Variants in LRFN5 observed in about 807,000 individuals in gnomAD.
LRFN5 encodes leucine rich repeat and fibronectin type III domain containing 5.
A neutral mutation model predicts 45.6 loss-of-function variants in LRFN5; 24 were observed. That is an observed-to-expected ratio of 0.53 (90% CI 0.38 to 0.74). The LOEUF (loss-of-function observed/expected upper bound fraction) is 0.74. Ranked by LOEUF, LRFN5 falls within the 30% of genes least tolerant of loss-of-function variation. LRFN5 has a pLI of 0.00. For synonymous variants in LRFN5, 340 were observed against 313.8 expected (o/e 1.08, Z -0.88); for missense variants, 776 against 861.5 (o/e 0.90, Z 1.24).
chr14:41,632,533 G>T (rs1888579033), intron 1 of LRFN5, among the ~76,000 whole-genome samples: 1 of 152,108 alleles, frequency 6.6e-6, no homozygotes, highest in Non-Finnish European at 1.5e-5. Flanking sequence ...AACCCAGGAG[G>T]TGGAGGTTGC....
At chr14:41,681,724 A>C (rs1205322847) in intron 1 of LRFN5, among the ~76,000 whole-genome samples, 1 of 152,042 alleles carries the variant, frequency 6.6e-6, no homozygotes, top group African/African-American at 2.4e-5. Flanking sequence ...AGTAAAAGTT[A>C]GTACACAGGA....
Position 41,713,591 on chromosome 14 carries a change from A to G in LRFN5, c.-196-53263A>G, listed in dbSNP as rs368781234. Among the ~76,000 whole-genome samples the G allele has an allele frequency of 2.6e-4, 39 of 152,264 alleles. 1 individual carries two copies. The South Asian group carries it at 7.7e-3, about 30-fold the overall frequency. ...GGCATAAAGATGTATTTGCCAGAAG[A>G]GGAAAGAAGAACGATCAATAAACCT... is the stretch of plus-strand genomic sequence containing the variant. On this transcript the variant is annotated intron_variant, in intron 1 of 5. Coordinates refer to ENST00000298119, the MANE Select transcript of LRFN5 (RefSeq NM_152447.5).
intron 4 of LRFN5, among the ~76,000 whole-genome samples, chr14:41,896,728 T>A (rs1275586925): frequency 6.6e-6 from 1 of 152,144 alleles, no homozygotes; most frequent in African/African-American, 2.4e-5. Flanking sequence ...ATCTTTATTA[T>A]TTGTTTATTT....
chr14:41,698,669 A>G (rs1404215287), intron 1 of LRFN5, among the ~76,000 whole-genome samples: 1 of 152,098 alleles, frequency 6.6e-6, no homozygotes, highest in Non-Finnish European at 1.5e-5. Flanking sequence ...AGGATTTTAG[A>G]GACTGGATTC....
At chr14:41,830,128 T>G (rs1371623680) in intron 2 of LRFN5, among the ~76,000 whole-genome samples, 2 of 151,654 alleles carry the variant, frequency 1.3e-5, no homozygotes, top group African/African-American at 4.8e-5. Flanking sequence ...ATAAATCTTA[T>G]AAATTTTAAC....
chr14:41,698,691 G>A (rs1162148313), intron 1 of LRFN5, among the ~76,000 whole-genome samples: 1 of 151,942 alleles, frequency 6.6e-6, no homozygotes, highest in Non-Finnish European at 1.5e-5. Context: ...AGTCTTTGTT[G>A]TTTCTTTGAG....
intron 2 of LRFN5, among the ~76,000 whole-genome samples, chr14:41,813,548 T>C (rs1171626626): frequency 6.6e-6 from 1 of 152,204 alleles, no homozygotes. Context: ...GGCTGCATAG[T>C]ATTCCATGGT....
intron 1 of LRFN5, among the ~76,000 whole-genome samples, chr14:41,653,967 A>G (rs181347773): frequency 3.9e-5 from 6 of 152,168 alleles, no homozygotes; most frequent in African/African-American, 1.2e-4. Flanking sequence ...GTAGCACTGC[A>G]TGTTCTCACT....
At chr14:41,853,784 TG>T (rs1298655812) in intron 2 of LRFN5, among the ~76,000 whole-genome samples, 5 of 152,106 alleles carry the variant, frequency 3.3e-5, no homozygotes, top group Admixed American at 2.6e-4. Flanking sequence ...GAATAGAAGC[TG>T]GAAGAAGTAC....
intron 4 of LRFN5, among the ~76,000 whole-genome samples, chr14:41,896,907 G>A (rs993920919): frequency 1.3e-5 from 2 of 151,564 alleles, no homozygotes; most frequent in Admixed American, 6.6e-5. Context: ...CCTGGCCAAC[G>A]TGGTGAAACC....
intron 1 of LRFN5, among the ~76,000 whole-genome samples, chr14:41,730,107 A>C (rs1319639764): frequency 6.6e-6 from 1 of 152,060 alleles, no homozygotes; most frequent in Non-Finnish European, 1.5e-5. Flanking sequence ...TTTTCTGTTC[A>C]TAAATAAAGA....
intron 1 of LRFN5, among the ~76,000 whole-genome samples, chr14:41,623,104 T>C (rs570634712): frequency 9.8e-4 from 149 of 152,264 alleles, no homozygotes; most frequent in Non-Finnish European, 1.8e-3. Flanking sequence ...AGCTCTGCTA[T>C]TAAAGTTCAG....
At chr14:41,845,254 A>G (rs1024401109) in intron 2 of LRFN5, among the ~76,000 whole-genome samples, 1 of 152,182 alleles carries the variant, frequency 6.6e-6, no homozygotes, top group African/African-American at 2.4e-5. Flanking sequence ...CGACAAAATT[A>G]TTGCAGAATA....
At chr14:41,616,144 A>G (rs888509380) in intron 1 of LRFN5, among the ~76,000 whole-genome samples, 1 of 152,134 alleles carries the variant, frequency 6.6e-6, no homozygotes. Flanking sequence ...TTTTAATGTT[A>G]TTGTTCATAA....
At chr14:41,765,369 A>AG in intron 1 of LRFN5, among the ~76,000 whole-genome samples, 1 of 152,020 alleles carries the variant, frequency 6.6e-6, no homozygotes, top group East Asian at 1.9e-4. Flanking sequence ...AAAAAAAAAA[A>AG]AAAACAGGGC....
intron 1 of LRFN5, among the ~76,000 whole-genome samples, chr14:41,673,423 G>A (rs892415476): frequency 4.8e-5 from 7 of 146,482 alleles, no homozygotes; most frequent in South Asian, 2.2e-4. Context: ...CTGCCGGACC[G>A]GGCGGCTGGC....
intron 2 of LRFN5, among the ~76,000 whole-genome samples, chr14:41,806,204 A>T (rs913820358): frequency 2.0e-5 from 3 of 152,184 alleles, no homozygotes; most frequent in Admixed American, 6.6e-5. Context: ...AAACTGTAAG[A>T]TAATCTTTAA....
At chr14:41,704,004 A>C (rs1882944595) in intron 1 of LRFN5, among the ~76,000 whole-genome samples, 1 of 152,122 alleles carries the variant, frequency 6.6e-6, no homozygotes, top group South Asian at 2.1e-4. Context: ...TATTTACCCC[A>C]GAATTTTTTA....
chr14:41,689,841 G>C (rs1882289024), intron 1 of LRFN5, among the ~76,000 whole-genome samples: 1 of 141,712 alleles, frequency 7.1e-6, no homozygotes, highest in Non-Finnish European at 1.5e-5. Context: ...CTTGCAGTGA[G>C]CCGAGATTGC....
Sources: allele counts gnomAD v4.1 joint callset (sites outside exome capture counted in the v4.1 genomes callset), GRCh38; gene constraint gnomAD v4.1.1; transcripts MANE v1.5; gene names NCBI Gene and HGNC (gene_info 2026-07-23, HGNC 2026-07-21).